Variants in KCNJ6 observed in about 807,000 individuals in gnomAD.
The protein encoded by KCNJ6 is potassium inwardly rectifying channel subfamily J member 6, also known as G protein-activated inward rectifier potassium channel 2.
Under a neutral mutation model 34.2 loss-of-function variants are expected in KCNJ6, and 9 were observed. The observed-to-expected ratio is 0.26, with a 90% CI of 0.16 to 0.46. The LOEUF (loss-of-function observed/expected upper bound fraction) is 0.46, where lower values mean the gene tolerates loss of function less well. Ranked by LOEUF, KCNJ6 falls within the 20% of genes least tolerant of loss-of-function variation. The pLI is 1.00. For synonymous variants in KCNJ6, 196 were observed against 207.1 expected, an observed-to-expected ratio of 0.95 and a Z score of 0.46; for missense variants, 236 against 531.3, an observed-to-expected ratio of 0.44 and a Z score of 5.46.
chr21:37,668,732 C>T (rs1209341219), intron 3 of KCNJ6, among the ~76,000 whole-genome samples: 1 of 152,176 alleles, frequency 6.6e-6, no homozygotes, highest in Non-Finnish European at 1.5e-5. Context: ...CTTTCTTACT[C>T]ATCTGAACTT....
intron 3 of KCNJ6, among the ~76,000 whole-genome samples, chr21:37,698,824 G>A (rs1435497251): frequency 6.6e-6 from 1 of 152,008 alleles, no homozygotes; most frequent in Non-Finnish European, 1.5e-5. Context: ...AGCCTCCTGA[G>A]TAGCTGGGAT....
chr21:37,828,339 T>C (rs1174865990), intron 2 of KCNJ6, among the ~76,000 whole-genome samples: 1 of 152,154 alleles, frequency 6.6e-6, no homozygotes, highest in Non-Finnish European at 1.5e-5. Flanking sequence ...TTTCTCCCAC[T>C]GGTGCCATCC....
At position 37,703,698 on chromosome 21, in the gene KCNJ6, T is replaced by C. The variant is rs1310173948; in HGVS notation, c.946+10513A>G. Among the ~76,000 whole-genome samples, 9 of 152,262 alleles carry C rather than the reference T, an allele frequency of 5.9e-5. No homozygotes were observed. The East Asian group carries it at 1.7e-3, about 29-fold the overall frequency. On this transcript the variant is annotated intron_variant, in intron 3 of 3. Coordinates refer to ENST00000609713, the MANE Select transcript of KCNJ6 (RefSeq NM_002240.5). ...TCCACTGGGCCACCACCTTCCTGGG[T>C]CATGGGTGCTCACTGTTCATGAGAT...
intron 1 of KCNJ6, among the ~76,000 whole-genome samples, chr21:37,898,367 G>C (rs1221277972): frequency 6.6e-6 from 1 of 152,134 alleles, no homozygotes; most frequent in Non-Finnish European, 1.5e-5. Context: ...GCTAGATCAC[G>C]AGGTCAGGAG....
chr21:37,767,132 G>A (rs1399614836), intron 2 of KCNJ6, among the ~76,000 whole-genome samples: 2 of 152,160 alleles, frequency 1.3e-5, no homozygotes, highest in African/African-American at 4.8e-5. Flanking sequence ...CACCGCATTA[G>A]TGTTGGGCAC....
chr21:37,844,129 G>A (rs148814927), intron 1 of KCNJ6, among the ~76,000 whole-genome samples: 376 of 149,680 alleles, frequency 2.5e-3, no homozygotes, highest in African/African-American at 8.3e-3. Flanking sequence ...CATGATCTCC[G>A]CTCACTACAA....
chr21:37,745,378 C>T (rs1424818529), intron 2 of KCNJ6, among the ~76,000 whole-genome samples: 1 of 152,116 alleles, frequency 6.6e-6, no homozygotes, highest in East Asian at 1.9e-4. Context: ...CTCCCTTGGC[C>T]TCCCCAAATG....
intron 2 of KCNJ6, among the ~76,000 whole-genome samples, chr21:37,803,070 A>C (rs984554149): frequency 6.6e-6 from 1 of 152,224 alleles, no homozygotes; most frequent in African/African-American, 2.4e-5. Context: ...CAAATAGTTG[A>C]CGTCCTTGGC....
At position 37,617,883 on chromosome 21, in the gene KCNJ6, A is replaced by AG. The variant is rs1261278781; in HGVS notation, c.*7275dup. On this transcript the variant is annotated 3_prime_UTR_variant, in exon 4 of 4. Coordinates refer to ENST00000609713, the MANE Select transcript of KCNJ6 (RefSeq NM_002240.5). ...TTAATTTAGTCATCATTCCTGACCC[A>AG]GGGAGGTGCTCTGTGGGGTCAAGGG... is the stretch of plus-strand genomic sequence containing the variant. 1 of 152,230 alleles carries AG rather than the reference A, an allele frequency of 6.6e-6. No homozygotes were observed. Among genetic ancestry groups the AG allele is most frequent in the Non-Finnish European group, 1.5e-5 (1 of 68,060 alleles). 9.4% of individuals were successfully genotyped at this position (152,230 alleles called of 1,614,324 possible). A position where few individuals can be genotyped will look rare whatever the true frequency, so the allele number is the denominator to read the frequency against.
chr21:37,643,679 A>G (rs749603099), intron 3 of KCNJ6, among the ~76,000 whole-genome samples: 2 of 152,160 alleles, frequency 1.3e-5, no homozygotes, highest in Non-Finnish European at 2.9e-5. Context: ...ATCCTGTGCA[A>G]ACTATTGGTC....
At chr21:37,836,742 G>A (rs1252785402) in intron 2 of KCNJ6, among the ~76,000 whole-genome samples, 1 of 152,140 alleles carries the variant, frequency 6.6e-6, no homozygotes, top group South Asian at 2.1e-4. Context: ...CCTGTCAGGG[G>A]TTGGGGGGCC....
At chr21:37,694,908 G>A (rs538090802) in intron 3 of KCNJ6, among the ~76,000 whole-genome samples, 2 of 152,312 alleles carry the variant, frequency 1.3e-5, no homozygotes, top group Admixed American at 1.3e-4. Context: ...GATAGAGTGG[G>A]AAGGCCTTCA....
intron 1 of KCNJ6, among the ~76,000 whole-genome samples, chr21:37,912,034 G>C (rs2055869238): frequency 6.6e-6 from 1 of 152,126 alleles, no homozygotes; most frequent in African/African-American, 2.4e-5. Context: ...AATAGTTCAT[G>C]TAAGTCCTAT....
chr21:37,913,324 C>T (rs192047499), intron 1 of KCNJ6, among the ~76,000 whole-genome samples: 3 of 152,326 alleles, frequency 2.0e-5, no homozygotes, highest in African/African-American at 7.2e-5. Context: ...AGAAGTGACT[C>T]CTCTCGGTTT....
chr21:37,780,530 A>G (rs1217257392), intron 2 of KCNJ6, among the ~76,000 whole-genome samples: 1 of 151,952 alleles, frequency 6.6e-6, no homozygotes, highest in Admixed American at 6.6e-5. Flanking sequence ...CAAATGTTCC[A>G]CACGAATGCA....
intron 3 of KCNJ6, among the ~76,000 whole-genome samples, chr21:37,701,395 TTGTGTG>T (rs71198889): frequency 5.9e-5 from 9 of 151,388 alleles, no homozygotes; most frequent in Non-Finnish European, 1.0e-4. Flanking sequence ...GGTTAACTTT[TTGTGTG>T]TGTGTGTGTG....
intron 3 of KCNJ6, among the ~76,000 whole-genome samples, chr21:37,654,747 T>C (rs1308851846): frequency 1.3e-5 from 2 of 152,234 alleles, no homozygotes; most frequent in Non-Finnish European, 2.9e-5. Flanking sequence ...AGCAAATTCA[T>C]GGAAGACCTG....
At chr21:37,799,641 G>T (rs2055259994) in intron 2 of KCNJ6, among the ~76,000 whole-genome samples, 1 of 152,148 alleles carries the variant, frequency 6.6e-6, no homozygotes, top group Admixed American at 6.6e-5. Context: ...TTTGTAAAAA[G>T]ATATAAACAC....
intron 1 of KCNJ6, among the ~76,000 whole-genome samples, chr21:37,854,391 A>T (rs1398050199): frequency 6.6e-6 from 1 of 152,138 alleles, no homozygotes; most frequent in Non-Finnish European, 1.5e-5. Flanking sequence ...AAGTGAAGTA[A>T]GCCAGGCGCA....
Sources: allele counts gnomAD v4.1 joint callset (sites outside exome capture counted in the v4.1 genomes callset), GRCh38; gene constraint gnomAD v4.1.1; transcripts MANE v1.5; gene names NCBI Gene and HGNC (gene_info 2026-07-23, HGNC 2026-07-21).